Variants in PTPRE observed in about 807,000 individuals in gnomAD.
PTPRE encodes receptor-type tyrosine-protein phosphatase epsilon.
In PTPRE, 51 loss-of-function variants were observed where a neutral mutation model predicts 102.0. The observed-to-expected ratio is 0.50, with a 90% CI of 0.40 to 0.63. The LOEUF (loss-of-function observed/expected upper bound fraction) is 0.63, where lower values mean the gene tolerates loss of function less well. PTPRE is among the 30% of genes least tolerant of loss of function. The pLI is 0.00. For synonymous variants in PTPRE, 345 were observed against 348.2 expected, an observed-to-expected ratio of 0.99 and a Z score of 0.10; for missense variants, 752 against 915.1, an observed-to-expected ratio of 0.82 and a Z score of 2.30.
rs1440878087 is a variant in PTPRE at position 127,907,464 on chromosome 10, G to A, written c.-31+155G>A. 6.6e-6 allele frequency among the ~76,000 whole-genome samples: 1 copy of A among 151,718 alleles called. No homozygotes were observed. Reference sequence around the variant, plus strand: ...CGGACCCCGGCCCCGCCGCCCCCGCGGCGCGCCCAGTACCAGCGGCTGGGG... The same window carrying A: ...CGGACCCCGGCCCCGCCGCCCCCGCAGCGCGCCCAGTACCAGCGGCTGGGG... On this transcript the variant is annotated intron_variant, in intron 1 of 20. Coordinates refer to ENST00000254667, the MANE Select transcript of PTPRE (RefSeq NM_006504.6). The surrounding 1 kb of genome is among the most constrained non-coding windows in gnomAD (Gnocchi z 4.8).
At chr10:128,081,228 T>A (rs1851683958) in intron 20 of PTPRE, among the ~76,000 whole-genome samples, 1 of 152,128 alleles carries the variant, frequency 6.6e-6, no homozygotes, top group African/African-American at 2.4e-5. Context: ...GCCCTGCAGG[T>A]GAGCACAGTG....
intron 5 of PTPRE, among the ~76,000 whole-genome samples, chr10:128,048,657 C>T (rs1400593230): frequency 6.6e-6 from 1 of 152,174 alleles, no homozygotes; most frequent in Non-Finnish European, 1.5e-5. Flanking sequence ...GCCCTCGTTC[C>T]AGTCCCCGGT....
intron 1 of PTPRE, among the ~76,000 whole-genome samples, chr10:127,926,025 A>G (rs982644733): frequency 3.3e-5 from 5 of 152,246 alleles, no homozygotes; most frequent in Non-Finnish European, 7.3e-5. Context: ...AATACCTTTC[A>G]GAAGACCATA....
At chr10:128,049,436 C>T in intron 5 of PTPRE, 94 bp from the exon 6 acceptor site, 1 of 1,469,970 alleles carries the variant, frequency 6.8e-7, no homozygotes, top group Non-Finnish European at 9.3e-7. Context: ...CCAGCCTGGT[C>T]ATTTCTTCAG....
chr10:128,039,111 C>T (rs1237887724), intron 2 of PTPRE, among the ~76,000 whole-genome samples: 4 of 152,146 alleles, frequency 2.6e-5, no homozygotes, highest in African/African-American at 9.7e-5. Flanking sequence ...AATTAATACT[C>T]CCCAATCAAT....
chr10:127,988,374 G>T (rs7092492), intron 2 of PTPRE, among the ~76,000 whole-genome samples: 26,011 of 143,686 alleles, frequency 0.18, 2,852 homozygotes, highest in African/African-American at 0.31. Context: ...GGCACAATCT[G>T]GGCTCTTCGC....
chr10:128,068,064 G>T lies in PTPRE; in HGVS notation c.844-59G>T, dbSNP rs1850430128. 1.5e-5 allele frequency: 24 copies of T among 1,554,328 alleles called. No homozygotes were observed. In the South Asian group the frequency reaches 2.6e-4, roughly 17 times the overall value. On this transcript the variant is annotated intron_variant, in intron 11 of 20. Transcript: ENST00000254667. ...CACGGCGGCGTCCTCAGAATGAGATGCTGGGGGAGCAGGGGGAGGATTGTT... is the reference window on the plus strand; with the variant it reads ...CACGGCGGCGTCCTCAGAATGAGATTCTGGGGGAGCAGGGGGAGGATTGTT...
intron 1 of PTPRE, among the ~76,000 whole-genome samples, chr10:127,966,619 A>G (rs1040295586): frequency 2.6e-5 from 4 of 152,142 alleles, no homozygotes; most frequent in African/African-American, 9.7e-5. Context: ...GTCCTGGGCA[A>G]AGCAAGGTAA....
At chr10:128,026,452 A>G (rs935244638) in intron 2 of PTPRE, among the ~76,000 whole-genome samples, 1 of 152,182 alleles carries the variant, frequency 6.6e-6, no homozygotes, top group Non-Finnish European at 1.5e-5. Flanking sequence ...GCCCACTTCC[A>G]GTGGGTCAGC....
At chr10:127,917,998 C>T (rs575877099) in intron 1 of PTPRE, among the ~76,000 whole-genome samples, 8 of 152,100 alleles carry the variant, frequency 5.3e-5, no homozygotes, top group Admixed American at 3.9e-4. Flanking sequence ...CCACTGCACT[C>T]AGCCTGGGTG....
rs1469381895 is a variant in PTPRE, at chr10:128,069,704, C to A, written c.1020C>A (p.Gly340=). 3.1e-6 allele frequency: 5 copies of A among 1,614,048 alleles called. No individual in the cohort carries two copies. The highest frequency in any genetic ancestry group is 4.2e-6 in the Non-Finnish European group (5 of 1,180,006). Residue 340 remains glycine, a synonymous_variant, in exon 13 of 21, where the codon GGC becomes GGA. Coordinates refer to ENST00000254667, the MANE Select transcript of PTPRE (RefSeq NM_006504.6). ...PIVVHCSAGV[G]RTGTFIVIDA... ...TCTTTCCCCAAAGCGCGGGCGTGGGCCGGACGGGCACCTTCATTGTGATCG... is the reference window on the plus strand; with the variant it reads ...TCTTTCCCCAAAGCGCGGGCGTGGGACGGACGGGCACCTTCATTGTGATCG...
At chr10:127,921,160 C>T (rs985337128) in intron 1 of PTPRE, among the ~76,000 whole-genome samples, 2 of 152,226 alleles carry the variant, frequency 1.3e-5, no homozygotes, top group Admixed American at 6.5e-5. Flanking sequence ...ATAATACCAG[C>T]GATCACTGGT....
intron 1 of PTPRE, among the ~76,000 whole-genome samples, chr10:127,921,055 T>A (rs1044110691): frequency 6.6e-6 from 1 of 152,362 alleles, no homozygotes; most frequent in Non-Finnish European, 1.5e-5. Context: ...TTGGGCCCTC[T>A]GTCTTCCCAG....
At position 128,047,449 on chromosome 10, in the gene PTPRE, C is replaced by T. The variant is rs558056030; in HGVS notation, c.169C>T (p.Leu57Phe). The change falls in exon 4 of 21, where the codon CTC (leucine) becomes TTC (phenylalanine). Residue 57 changes from leucine (L) to phenylalanine (F), a missense_variant. Leu to Phe is a conservative substitution (Grantham distance 22). Around this residue, in one of 2 missense-constraint regions of PTPRE, gnomAD observed 116 missense variants for 90.8 expected, o/e 1.28. Transcript: ENST00000254667. Reference protein sequence around the residue: ...LLAWLLLPLLLLLLVLLLAAY... With the variant: ...LLAWLLLPLLFLLLVLLLAAY... ...GGCCTGGCTGCTACTGCCGCTGCTG[C>T]TCCTCCTCCTCGTGCTCCTTCTCGC... The T allele has an allele frequency of 5.0e-6, 8 of 1,613,308 alleles. No individual in the cohort carries two copies. Among genetic ancestry groups the T allele is most frequent in the African/African-American group, 2.7e-5 (2 of 75,044 alleles).
At chr10:128,027,690 G>A (rs1265035804) in intron 2 of PTPRE, among the ~76,000 whole-genome samples, 4 of 152,124 alleles carry the variant, frequency 2.6e-5, no homozygotes, top group East Asian at 1.9e-4. Context: ...ACCAGCATTC[G>A]TGTTATTTCT....
chr10:127,921,130 T>C (rs1426644845), intron 1 of PTPRE, among the ~76,000 whole-genome samples: 1 of 152,184 alleles, frequency 6.6e-6, no homozygotes, highest in Non-Finnish European at 1.5e-5. Flanking sequence ...TCCAGGGCAA[T>C]AAATGAAATA....
chr10:127,956,507 G>A (rs118030357), intron 1 of PTPRE, among the ~76,000 whole-genome samples: 1,613 of 152,264 alleles, frequency 0.011, 17 homozygotes, highest in South Asian at 0.014. Flanking sequence ...CCAAGTTTGG[G>A]CAATTAAGAA....
intron 3 of PTPRE, among the ~76,000 whole-genome samples, chr10:128,045,865 C>T (rs1848046342): frequency 6.6e-6 from 1 of 152,204 alleles, no homozygotes; most frequent in African/African-American, 2.4e-5. Flanking sequence ...GCCAGGGTCA[C>T]AGACACCTGA....
In PTPRE at chr10:127,984,078, CTTT is replaced by C. The variant is rs58130253; in HGVS notation, c.-8+1800_-8+1802del. On this transcript the variant is annotated intron_variant, in intron 2 of 20. Transcript: ENST00000254667. ...TTCCTTTGCCTCCATTTCTTTCTTTCTTTTTTTTTTTTTTTTTTTTGAGACAGA... is the reference window on the plus strand; with the variant it reads ...TTCCTTTGCCTCCATTTCTTTCTTTCTTTTTTTTTTTTTTTTTGAGACAGA... 3.1e-3 allele frequency among the ~76,000 whole-genome samples: 388 copies of C among 125,362 alleles called. 3 individuals are homozygous for C. The highest frequency in any genetic ancestry group is 0.01 in the African/African-American group (322 of 31,196). 82.2% of individuals were successfully genotyped at this position (125,362 alleles called of 152,430 possible). A position where few individuals can be genotyped will look rare whatever the true frequency, so the allele number is the denominator to read the frequency against.
Sources: allele counts gnomAD v4.1 joint callset (sites outside exome capture counted in the v4.1 genomes callset), GRCh38; gene constraint gnomAD v4.1.1; regional missense constraint gnomAD v4.1.1; non-coding constraint Gnocchi (gnomAD v3.1); transcripts MANE v1.5; gene names NCBI Gene and HGNC (gene_info 2026-07-23, HGNC 2026-07-21).